RNF216: variants seen among roughly 807,000 people sequenced by gnomAD.
RNF216 encodes ring finger protein 216.
A neutral mutation model predicts 110.8 loss-of-function variants in RNF216; 72 were observed. The observed-to-expected ratio is 0.65, with a 90% CI of 0.54 to 0.79. The LOEUF (loss-of-function observed/expected upper bound fraction) is 0.79, where lower values mean the gene tolerates loss of function less well. Among genes scored for constraint, RNF216 ranks in the 30% least tolerant of loss-of-function variants. The pLI is 0.00. For missense variants in RNF216, 1,342 were observed against 1,141.2 expected (o/e 1.18, Z -2.54); for synonymous variants, 495 against 407.5 (o/e 1.21, Z -2.59).
chr7:5,719,895 C>A (rs185472091), intron 9 of RNF216, among the ~76,000 whole-genome samples: 2 of 152,146 alleles, frequency 1.3e-5, no homozygotes, highest in Non-Finnish European at 2.9e-5. Flanking sequence ...AGCTTCATAT[C>A]CTGGGATGTG....
At chr7:5,725,511 A>G (rs1222924766) in intron 7 of RNF216, 73 bp from the exon 8 acceptor site, 4 of 865,616 alleles carry the variant, frequency 4.6e-6, no homozygotes, top group Non-Finnish European at 7.7e-6. Context: ...CAATCCCTGA[A>G]TGCCATTTTA....
chr7:5,621,642 A>G lies in RNF216; in HGVS notation c.*1218T>C, dbSNP rs1786370335. ...GACTCAGCTGTGTCTGAGGTCTGTG[A>G]ACTCCCAGCCTCTCAGAACCCCATG... On this transcript the variant is annotated 3_prime_UTR_variant, in exon 17 of 17. Transcript: ENST00000389902. 6.6e-6 allele frequency: 1 copy of G among 152,276 alleles called. No individual in the cohort carries two copies. The highest frequency in any genetic ancestry group is 1.5e-5 in the Non-Finnish European group (1 of 68,154). The allele number at this position is 152,276 out of a possible 1,614,324, so 9.4% of individuals were successfully genotyped here.
chr7:5,652,536 A>T (rs1238020787), intron 13 of RNF216, 26 bp from the exon 14 acceptor site: 2 of 1,504,564 alleles, frequency 1.3e-6, no homozygotes, highest in Non-Finnish European at 1.9e-6. Context: ...AGACACAAAG[A>T]CAACTCCTGG....
chr7:5,719,675 G>A (rs765311484), intron 9 of RNF216, among the ~76,000 whole-genome samples: 1 of 152,090 alleles, frequency 6.6e-6, no homozygotes, highest in Non-Finnish European at 1.5e-5. Context: ...TATAACAGAT[G>A]GATCAAAACA....
chr7:5,688,064 G>A (rs113000216), intron 13 of RNF216, among the ~76,000 whole-genome samples: 35 of 152,188 alleles, frequency 2.3e-4, no homozygotes, highest in Non-Finnish European at 4.6e-4. Flanking sequence ...AAATGGAACC[G>A]AAGAGGTAAT....
chr7:5,725,266 G>T, intron 8 of RNF216, 58 bp downstream of exon 8: 1 of 1,039,648 alleles, frequency 9.6e-7, no homozygotes, highest in South Asian at 1.3e-5. Context: ...CACTGACTGT[G>T]AAGAAGAAAA....
At chr7:5,756,200 T>C (rs975979481) in intron 2 of RNF216, among the ~76,000 whole-genome samples, 2 of 152,158 alleles carry the variant, frequency 1.3e-5, no homozygotes, top group African/African-American at 4.8e-5. Flanking sequence ...CCTGAGAAGG[T>C]GCCTGCTTCT....
chr7:5,650,590 G>A (rs1252433465), intron 14 of RNF216, among the ~76,000 whole-genome samples: 1 of 152,082 alleles, frequency 6.6e-6, no homozygotes, highest in Admixed American at 6.6e-5. Flanking sequence ...CTTGGTGGCT[G>A]TCAGCTGAGG....
intron 3 of RNF216, among the ~76,000 whole-genome samples, chr7:5,750,009 A>C (rs1439113091): frequency 6.6e-6 from 1 of 152,222 alleles, no homozygotes; most frequent in African/African-American, 2.4e-5. Flanking sequence ...AATAAAAATA[A>C]AAATATTTGC....
rs1471669009 is a variant in RNF216 at position 5,696,688 on chromosome 7, T to C, written c.2061+15073A>G. On this transcript the variant is annotated intron_variant, in intron 13 of 16. Transcript: ENST00000389902. The surrounding 1 kb of genome is among the most constrained non-coding windows in gnomAD (Gnocchi z 5.4). ...CTCCCCTCTTGCCCCCAACCTGCCC[T>C]TAGAACCAGGTTCCTTCAGGCCAAA... 1.3e-5 allele frequency among the ~76,000 whole-genome samples: 2 copies of C among 152,200 alleles called. No individual in the cohort carries two copies. Among genetic ancestry groups the C allele is most frequent in the African/African-American group, 4.8e-5 (2 of 41,452 alleles).
At chr7:5,647,316 TTTTC>T (rs1431586183) in intron 14 of RNF216, among the ~76,000 whole-genome samples, 15 of 145,416 alleles carry the variant, frequency 1.0e-4, no homozygotes, top group Middle Eastern at 3.5e-3. Flanking sequence ...GAAACCTTCA[TTTTC>T]TTTCTTTCTT....
chr7:5,720,808 C>G (rs1266994932), intron 9 of RNF216, among the ~76,000 whole-genome samples: 1 of 152,178 alleles, frequency 6.6e-6, no homozygotes. Flanking sequence ...AAAATAGATA[C>G]ACTAAGCTCC....
chr7:5,671,855 G>A (rs1265552603), intron 13 of RNF216, among the ~76,000 whole-genome samples: 1 of 149,576 alleles, frequency 6.7e-6, no homozygotes, highest in Non-Finnish European at 1.5e-5. Context: ...CCAGAGGAGT[G>A]CACAGAAAAG....
At chr7:5,715,002 A>G (rs538672134) in intron 11 of RNF216, 51 bp downstream of exon 11, 2 of 1,536,330 alleles carry the variant, frequency 1.3e-6, no homozygotes, top group African/African-American at 2.7e-5. Context: ...TGGTCTCCTT[A>G]GACTCCAGGA....
At position 5,656,215 on chromosome 7, in the gene RNF216, G is replaced by A. The variant is rs186783441; in HGVS notation, c.2062-3705C>T. Reference sequence around the variant, plus strand: ...ACCCAGGAGGTGGAGGTTGCATTGAGCTGAGATGGTGCCACTGCACTCCAG... The same window carrying A: ...ACCCAGGAGGTGGAGGTTGCATTGAACTGAGATGGTGCCACTGCACTCCAG... On this transcript the variant is annotated intron_variant, in intron 13 of 16. Transcript: ENST00000389902. Among the ~76,000 whole-genome samples, 173 of 152,290 alleles carry A rather than the reference G, an allele frequency of 1.1e-3. 1 individual carries two copies. Among genetic ancestry groups the A allele is most frequent in the African/African-American group, 4.1e-3 (172 of 41,550 alleles).
At chr7:5,633,394 G>A (rs969183751) in intron 15 of RNF216, among the ~76,000 whole-genome samples, 12 of 152,022 alleles carry the variant, frequency 7.9e-5, no homozygotes, top group African/African-American at 2.4e-4. Flanking sequence ...TGATCAACAC[G>A]GTGAAACCCC....
At chr7:5,648,492 A>G (rs1199409068) in intron 14 of RNF216, among the ~76,000 whole-genome samples, 2 of 151,284 alleles carry the variant, frequency 1.3e-5, no homozygotes, top group African/African-American at 2.4e-5. Context: ...GTGGGAGGCC[A>G]AGGCAGGCGG....
At position 5,623,163 on chromosome 7, in the gene RNF216, G is replaced by A. The variant is rs773994605; in HGVS notation, c.2469C>T (p.Arg823=). Residue 823 remains arginine, a synonymous_variant, in exon 17 of 17, where the codon CGC becomes CGT. Transcript: ENST00000389902. ...KRKNGENTFK[R]IGPPLEKPVE... ...CAGGCTTCTCCAGCGGGGGTCCAAT[G>A]CGTTTGAAGGTGTTCTCTGAAAGGG... is the stretch of plus-strand genomic sequence containing the variant. 1.9e-6 allele frequency: 3 copies of A among 1,558,574 alleles called. No homozygotes were observed. Among genetic ancestry groups the A allele is most frequent in the Admixed American group, 3.6e-5 (2 of 55,018 alleles).
At position 5,665,044 on chromosome 7, in the gene RNF216, C is replaced by T. The variant is rs180890648; in HGVS notation, c.2062-12534G>A. Among the ~76,000 whole-genome samples, 861 of 152,220 alleles carry T rather than the reference C, an allele frequency of 5.7e-3. 5 individuals are homozygous for T. Among genetic ancestry groups the T allele is most frequent in the Non-Finnish European group, 9.4e-3 (639 of 68,008 alleles). ...AACTCCTGACCTCAGGTGATCTGCC[C>T]GCCTCGGCCTCCCAAAGTGCTGCGA... On this transcript the variant is annotated intron_variant, in intron 13 of 16. Coordinates refer to ENST00000389902, the MANE Select transcript of RNF216 (RefSeq NM_207111.4).
Sources: gnomAD v4.1 joint callset for allele counts (sites outside exome capture counted in the v4.1 genomes callset) on GRCh38, gnomAD v4.1.1 for gene constraint, Gnocchi (gnomAD v3.1) non-coding constraint, MANE v1.5 for transcripts, NCBI Gene and HGNC (gene_info 2026-07-23, HGNC 2026-07-21) for gene names.